The following NDUFS4 variants were observed in gnomAD, a reference collection of about 807,000 sequenced individuals.
The protein encoded by NDUFS4 is NADH dehydrogenase [ubiquinone] iron-sulfur protein 4, mitochondrial.
In NDUFS4, 28 loss-of-function variants were observed where a neutral mutation model predicts 24.3. That is an observed-to-expected ratio of 1.15 (90% CI 0.85 to 1.58). The LOEUF (loss-of-function observed/expected upper bound fraction) is 1.58, where lower values mean the gene tolerates loss of function less well. Ranked by LOEUF, NDUFS4 falls within the 40% of genes most tolerant of loss-of-function variation. The pLI is 0.00. For synonymous variants in NDUFS4, 93 were observed against 69.7 expected (o/e 1.34, Z -1.67); for missense variants, 223 against 207.9 (o/e 1.07, Z -0.45).
chr5:53,632,240 A>G (rs1466445227), intron 2 of NDUFS4, among the ~76,000 whole-genome samples: 1 of 152,198 alleles, frequency 6.6e-6, no homozygotes, highest in African/African-American at 2.4e-5. Context: ...CCTGGATTTT[A>G]CTGTCTTCCT....
chr5:53,601,844 A>T (rs1750335295), intron 1 of NDUFS4, among the ~76,000 whole-genome samples: 1 of 152,098 alleles, frequency 6.6e-6, no homozygotes, highest in African/African-American at 2.4e-5. Flanking sequence ...GATAAGATTG[A>T]CCGTCTCAGT....
At chr5:53,626,691 G>A (rs983714970) in intron 2 of NDUFS4, among the ~76,000 whole-genome samples, 1 of 152,176 alleles carries the variant, frequency 6.6e-6, no homozygotes, top group African/African-American at 2.4e-5. Flanking sequence ...TTTGAGAAGT[G>A]TCTGTTCATA....
chr5:53,634,793 C>A (rs556291056), intron 2 of NDUFS4, among the ~76,000 whole-genome samples: 14 of 152,074 alleles, frequency 9.2e-5, no homozygotes, highest in African/African-American at 3.4e-4. Context: ...ATATAAGTTC[C>A]AGGTACCTTA....
chr5:53,656,167 A>G (rs1752156403), intron 3 of NDUFS4, among the ~76,000 whole-genome samples: 1 of 151,126 alleles, frequency 6.6e-6, no homozygotes, highest in Non-Finnish European at 1.5e-5. Context: ...TCTAAATCCA[A>G]CTTTAGATTG....
At position 53,658,536 on chromosome 5, in the gene NDUFS4, A is replaced by T. The variant is rs779376803; in HGVS notation, c.351-15A>T. 1.2e-6 allele frequency: 2 copies of T among 1,604,916 alleles called. No homozygotes were observed. Among genetic ancestry groups the T allele is most frequent in the South Asian group, 2.2e-5 (2 of 90,710 alleles). ...GCTTAATGTTAAATCTTGGAAAAAA[A>T]TTTGTTTCTTACAGGGCTGATCCCT... On this transcript the variant is annotated splice_polypyrimidine_tract_variant and intron_variant, in intron 3 of 4. Coordinates refer to ENST00000296684, the MANE Select transcript of NDUFS4 (RefSeq NM_002495.4).
At chr5:53,568,883 T>A (rs537360293) in intron 1 of NDUFS4, among the ~76,000 whole-genome samples, 75 of 152,338 alleles carry the variant, frequency 4.9e-4, no homozygotes, top group African/African-American at 1.8e-3. Context: ...ATTTTCTGTA[T>A]TCTTAAACAA....
intron 2 of NDUFS4, among the ~76,000 whole-genome samples, chr5:53,610,735 G>T (rs1561361406): frequency 6.6e-6 from 1 of 152,006 alleles, no homozygotes; most frequent in Non-Finnish European, 1.5e-5. Flanking sequence ...GTTAAACATC[G>T]CCAGGGCTTT....
intron 2 of NDUFS4, among the ~76,000 whole-genome samples, chr5:53,625,591 C>T (rs1751195531): frequency 6.6e-6 from 1 of 152,108 alleles, no homozygotes; most frequent in African/African-American, 2.4e-5. Context: ...ATTGTCCTGT[C>T]TTCAAATTTA....
At chr5:53,628,139 CAT>C (rs1430251907) in intron 2 of NDUFS4, among the ~76,000 whole-genome samples, 2 of 152,102 alleles carry the variant, frequency 1.3e-5, no homozygotes, top group Admixed American at 6.5e-5. Context: ...TTGAGATAAT[CAT>C]GTGGTTTTTG....
At chr5:53,581,428 C>G (rs1749564819) in intron 1 of NDUFS4, among the ~76,000 whole-genome samples, 1 of 152,124 alleles carries the variant, frequency 6.6e-6, no homozygotes. Context: ...ATTCCCTGCT[C>G]ATTTCATTCT....
intron 2 of NDUFS4, among the ~76,000 whole-genome samples, chr5:53,611,440 A>G (rs192314109): frequency 2.2e-4 from 34 of 152,150 alleles, no homozygotes; most frequent in East Asian, 1.7e-3. Context: ...AGTACTTTCT[A>G]TGTTTCTAAT....
At chr5:53,612,125 T>C (rs1750715593) in intron 2 of NDUFS4, among the ~76,000 whole-genome samples, 1 of 152,060 alleles carries the variant, frequency 6.6e-6, no homozygotes, top group African/African-American at 2.4e-5. Flanking sequence ...CAAAATAAGC[T>C]TTAATAGTTT....
At chr5:53,582,064 A>G (rs891799576) in intron 1 of NDUFS4, among the ~76,000 whole-genome samples, 1 of 151,826 alleles carries the variant, frequency 6.6e-6, no homozygotes, top group Non-Finnish European at 1.5e-5. Flanking sequence ...ACAAAAAATT[A>G]GCCGGGCGTG....
chr5:53,607,347 A>G (rs191969585), intron 2 of NDUFS4, among the ~76,000 whole-genome samples: 13 of 152,308 alleles, frequency 8.5e-5, no homozygotes, highest in East Asian at 1.9e-4. Context: ...TAAAAATTCT[A>G]ACATTGTGTA....
chr5:53,675,196 C>A (rs1740422861), intron 4 of NDUFS4, among the ~76,000 whole-genome samples: 1 of 124,898 alleles, frequency 8.0e-6, no homozygotes, highest in Admixed American at 9.8e-5. Flanking sequence ...GAGTCTCACT[C>A]TGTCACCCAG....
chr5:53,591,893 G>C (rs1185733687), intron 1 of NDUFS4, among the ~76,000 whole-genome samples: 1 of 151,986 alleles, frequency 6.6e-6, no homozygotes, highest in East Asian at 1.9e-4. Flanking sequence ...TAGATCTTTT[G>C]CCCACTTTTC....
intron 3 of NDUFS4, among the ~76,000 whole-genome samples, chr5:53,656,518 G>A (rs1404972839): frequency 6.6e-6 from 1 of 152,198 alleles, no homozygotes; most frequent in Non-Finnish European, 1.5e-5. Flanking sequence ...TGTGCAGAGA[G>A]TAGGAGAGCA....
intron 2 of NDUFS4, among the ~76,000 whole-genome samples, chr5:53,642,731 A>G (rs1295574928): frequency 1.3e-5 from 2 of 152,182 alleles, no homozygotes; most frequent in African/African-American, 4.8e-5. Flanking sequence ...TAAAGTTCAT[A>G]TACATATACT....
intron 1 of NDUFS4, among the ~76,000 whole-genome samples, chr5:53,588,277 G>A (rs142688036): frequency 1.6e-3 from 246 of 152,288 alleles, no homozygotes; most frequent in African/African-American, 5.3e-3. Flanking sequence ...TGAGCCTTCA[G>A]TGGGGTTCTC....
Sources: allele counts gnomAD v4.1 joint callset (sites outside exome capture counted in the v4.1 genomes callset), GRCh38; gene constraint gnomAD v4.1.1; transcripts MANE v1.5; gene names NCBI Gene and HGNC (gene_info 2026-07-23, HGNC 2026-07-21).